The following NT5DC1 variants were observed in gnomAD, a reference collection of about 807,000 sequenced individuals.
The protein encoded by NT5DC1 is 5'-nucleotidase domain containing 1.
Under a neutral mutation model 59.4 loss-of-function variants are expected in NT5DC1, and 42 were observed. That is an observed-to-expected ratio of 0.71 (90% CI 0.55 to 0.92). The LOEUF is 0.92. Ranked by LOEUF, NT5DC1 falls within the 40% of genes least tolerant of loss-of-function variation. The pLI is 0.00. For missense variants in NT5DC1, 501 were observed against 537.1 expected, an observed-to-expected ratio of 0.93 and a Z score of 0.66; for synonymous variants, 172 against 188.1, an observed-to-expected ratio of 0.91 and a Z score of 0.70.
At chr6:116,171,489 C>G (rs900591067) in intron 6 of NT5DC1, among the ~76,000 whole-genome samples, 1 of 152,104 alleles carries the variant, frequency 6.6e-6, no homozygotes, top group African/African-American at 2.4e-5. Flanking sequence ...TAATAATAAT[C>G]AGATTTCAGA....
At position 116,221,039 on chromosome 6, in the gene NT5DC1, A is replaced by G. The variant is rs750315772; in HGVS notation, c.530-15A>G. The G allele has an allele frequency of 9.6e-6, 12 of 1,256,206 alleles. No homozygotes were observed. In the East Asian group the frequency reaches 2.6e-4, roughly 27 times the overall value. The allele number at this position is 1,256,206 out of a possible 1,614,324, so 77.8% of individuals were successfully genotyped here. A position where few individuals can be genotyped will look rare whatever the true frequency, so the allele number is the denominator to read the frequency against. On this transcript the variant is annotated splice_polypyrimidine_tract_variant and intron_variant, in intron 6 of 11. Transcript: ENST00000319550. ...GTTTAAAAAGAAAAACCTCATTGAT[A>G]TTTTTATTTTTCAGAAAACTGTGGA...
At chr6:116,103,848 T>C (rs921205170) in intron 1 of NT5DC1, among the ~76,000 whole-genome samples, 2 of 152,114 alleles carry the variant, frequency 1.3e-5, no homozygotes, top group Non-Finnish European at 2.9e-5. Context: ...TTAACGTAGA[T>C]GTGTGAGTGG....
At position 116,163,141 on chromosome 6, in the gene NT5DC1, A is replaced by AAAAAAAAT. The variant is rs761718922; in HGVS notation, c.529+45197_529+45198insAAAAAATA. Among the ~76,000 whole-genome samples the AAAAAAAAT allele has an allele frequency of 3.2e-3, 286 of 88,246 alleles. 7 individuals carry two copies. The highest frequency in any genetic ancestry group is 4.2e-3 in the South Asian group (11 of 2,608). The allele number at this position is 88,246 out of a possible 152,430, so 57.9% of individuals were successfully genotyped here. A position where few individuals can be genotyped will look rare whatever the true frequency, so the allele number is the denominator to read the frequency against. ...GACTCCGTCTCAAAAAAAAAAAAAA[A>AAAAAAAAT]ATATATATATATATATATATATTAG... On this transcript the variant is annotated intron_variant, in intron 6 of 11. Transcript: ENST00000319550.
intron 6 of NT5DC1, among the ~76,000 whole-genome samples, chr6:116,196,919 T>C (rs1408538981): frequency 1.3e-5 from 2 of 151,668 alleles, no homozygotes; most frequent in Non-Finnish European, 2.9e-5. Context: ...GTTGGAGATA[T>C]CCTCAAATGG....
At chr6:116,124,599 A>G (rs1477540226) in intron 6 of NT5DC1, among the ~76,000 whole-genome samples, 1 of 152,210 alleles carries the variant, frequency 6.6e-6, no homozygotes, top group Non-Finnish European at 1.5e-5. Context: ...TAATAGCAAC[A>G]CTTAAAGCAC....
In NT5DC1 at chr6:116,139,988, A is replaced by G. The variant is rs1451634370; in HGVS notation, c.529+22043A>G. ...ATGTGTCAGGTGTTTTGCTTTTCTT[A>G]TTTGATCCAGAAGAGACTTACGTGA... On this transcript the variant is annotated intron_variant, in intron 6 of 11. Coordinates refer to ENST00000319550, the MANE Select transcript of NT5DC1 (RefSeq NM_152729.3). 2.0e-5 allele frequency among the ~76,000 whole-genome samples: 3 copies of G among 152,226 alleles called. No individual in the cohort carries two copies. The East Asian group carries it at 5.8e-4, about 29-fold the overall frequency.
chr6:116,228,242 C>T (rs929660611), intron 8 of NT5DC1, among the ~76,000 whole-genome samples: 7 of 152,184 alleles, frequency 4.6e-5, no homozygotes, highest in Non-Finnish European at 1.0e-4. Context: ...GGAGCGGTGG[C>T]TCACGCCTGT....
chr6:116,169,792 T>G (rs1413076648), intron 6 of NT5DC1, among the ~76,000 whole-genome samples: 1 of 152,152 alleles, frequency 6.6e-6, no homozygotes, highest in East Asian at 1.9e-4. Context: ...GGATTATCAA[T>G]AAAAACCTAT....
chr6:116,114,932 T>C (rs1778937508), intron 4 of NT5DC1, among the ~76,000 whole-genome samples: 1 of 152,170 alleles, frequency 6.6e-6, no homozygotes, highest in Non-Finnish European at 1.5e-5. Context: ...CGACACAGTT[T>C]TGCCAAGGTG....
chr6:116,114,892 G>T (rs1405326396), intron 4 of NT5DC1, among the ~76,000 whole-genome samples: 1 of 152,152 alleles, frequency 6.6e-6, no homozygotes, highest in African/African-American at 2.4e-5. Flanking sequence ...TTTGCCACAT[G>T]GGCTCCAGAG....
chr6:116,229,777 A>G (rs1781980745), intron 8 of NT5DC1, among the ~76,000 whole-genome samples: 1 of 151,604 alleles, frequency 6.6e-6, no homozygotes, highest in Non-Finnish European at 1.5e-5. Flanking sequence ...TCATGAGCCA[A>G]CTCTCTCTGT....
In NT5DC1 at chr6:116,205,849, A is replaced by G. The variant is rs76394403; in HGVS notation, c.530-15205A>G. ...TCAAAGAGACCAAGATTTTCATTCC[A>G]TCCTGCTGTTTTCCTCATTATGTCA... On this transcript the variant is annotated intron_variant, in intron 6 of 11. Coordinates refer to ENST00000319550, the MANE Select transcript of NT5DC1 (RefSeq NM_152729.3). Among the ~76,000 whole-genome samples, 165 of 152,100 alleles carry G rather than the reference A, an allele frequency of 1.1e-3. 4 individuals are homozygous for G. The East Asian group carries it at 0.029, about 27-fold the overall frequency.
intron 6 of NT5DC1, among the ~76,000 whole-genome samples, chr6:116,203,609 A>C (rs916784093): frequency 5.9e-5 from 9 of 151,884 alleles, no homozygotes; most frequent in Non-Finnish European, 1.2e-4. Context: ...ACCACATTTT[A>C]TTTATTCATC....
intron 1 of NT5DC1, 119 bp downstream of exon 1, chr6:116,101,142 G>C: frequency 1.5e-6 from 1 of 682,940 alleles, no homozygotes; most frequent in Non-Finnish European, 2.3e-6. Flanking sequence ...GCCGAGTCTT[G>C]CCGCAGAGCG....
intron 6 of NT5DC1, among the ~76,000 whole-genome samples, chr6:116,184,799 C>G (rs1387513589): frequency 6.6e-6 from 1 of 151,982 alleles, no homozygotes; most frequent in Non-Finnish European, 1.5e-5. Context: ...CACTAATGGT[C>G]TATCAATCTA....
intron 6 of NT5DC1, among the ~76,000 whole-genome samples, chr6:116,152,347 T>C (rs951291586): frequency 3.3e-5 from 5 of 152,198 alleles, no homozygotes; most frequent in Non-Finnish European, 5.9e-5. Flanking sequence ...CCCATTCCTT[T>C]CTTTCTGGCC....
rs377026822 is a variant in NT5DC1, at chr6:116,117,977, GTGTT to G, written c.529+37_529+40del. Reference sequence around the variant, plus strand: ...ATTGTGAAGAGGGGCCTTCTAATACGTGTTTGTTAAGCTATGTTTGTCTAGTGAA... The same window carrying G: ...ATTGTGAAGAGGGGCCTTCTAATACGTGTTAAGCTATGTTTGTCTAGTGAA... On this transcript the variant is annotated intron_variant, in intron 6 of 11. Coordinates refer to ENST00000319550, the MANE Select transcript of NT5DC1 (RefSeq NM_152729.3). The G allele has an allele frequency of 4.4e-3, 4,602 of 1,055,726 alleles. 115 individuals are homozygous for G. Among genetic ancestry groups the G allele is most frequent in the South Asian group, 0.041 (3,237 of 79,610 alleles). The allele number at this position is 1,055,726 out of a possible 1,614,324, so 65.4% of individuals were successfully genotyped here. A position where few individuals can be genotyped will look rare whatever the true frequency, so the allele number is the denominator to read the frequency against.
chr6:116,243,964 T>A lies in NT5DC1; in HGVS notation c.1308T>A (p.Ala436=). 7 of 1,585,320 alleles carry A rather than the reference T, an allele frequency of 4.4e-6. No individual in the cohort carries two copies. Among genetic ancestry groups the A allele is most frequent in the Non-Finnish European group, 6.0e-6 (7 of 1,157,262 alleles). Reference sequence around the variant, plus strand: ...TCTCTTCAAGCAATTCAAAAACAGCTGGCTACTATCCAAATCCTCCACTGG... The same window carrying A: ...TCTCTTCAAGCAATTCAAAAACAGCAGGCTACTATCCAAATCCTCCACTGG... The part of the protein sequence containing the change: ...TRFSSSNSKT[A]GYYPNPPLVL... Residue 436 remains alanine, a synonymous_variant, in exon 12 of 12, where the codon GCT becomes GCA. Transcript: ENST00000319550.
chr6:116,226,550 T>A (rs1241413726), intron 8 of NT5DC1, among the ~76,000 whole-genome samples: 1 of 152,104 alleles, frequency 6.6e-6, no homozygotes, highest in African/African-American at 2.4e-5. Flanking sequence ...ACTTTAGAAG[T>A]ACCTATCTTA....
Sources: gnomAD v4.1 joint callset for allele counts (sites outside exome capture counted in the v4.1 genomes callset) on GRCh38, gnomAD v4.1.1 for gene constraint, MANE v1.5 for transcripts, NCBI Gene and HGNC (gene_info 2026-07-23, HGNC 2026-07-21) for gene names.